The following PTPRD variants were observed in gnomAD, a reference collection of about 807,000 sequenced individuals.
PTPRD encodes receptor-type tyrosine-protein phosphatase delta.
In PTPRD, 34 loss-of-function variants were observed where a neutral mutation model predicts 214.5. The ratio of observed to expected loss-of-function variants is 0.16; its 90% CI spans 0.12 to 0.21. The LOEUF is 0.21. Among genes scored for constraint, PTPRD ranks in the 10% least tolerant of loss-of-function variants. PTPRD has a pLI of 1.00. For synonymous variants in PTPRD, 1,128 were observed against 845.7 expected (o/e 1.33, Z -5.79); for missense variants, 2,545 against 2,398.7 (o/e 1.06, Z -1.27).
At chr9:10,036,654 G>A (rs1420803854) in intron 3 of PTPRD, among the ~76,000 whole-genome samples, 5 of 151,640 alleles carry the variant, frequency 3.3e-5, no homozygotes, top group South Asian at 2.1e-4. Flanking sequence ...GTGCAATCTC[G>A]GCTCACTACA....
chr9:9,538,356 T>C (rs1315738126), intron 8 of PTPRD, among the ~76,000 whole-genome samples: 1 of 152,016 alleles, frequency 6.6e-6, no homozygotes, highest in Non-Finnish European at 1.5e-5. Flanking sequence ...TGGCAATTTG[T>C]CTCCGAGACA....
chr9:10,395,351 G>A (rs966080551), intron 2 of PTPRD, among the ~76,000 whole-genome samples: 5 of 151,198 alleles, frequency 3.3e-5, no homozygotes, highest in African/African-American at 1.2e-4. Context: ...AACATGCGGT[G>A]TTTGGTTTTT....
intron 35 of PTPRD, among the ~76,000 whole-genome samples, chr9:8,414,967 GAGAGAGAC>G (rs1380810479): frequency 1.9e-4 from 28 of 148,998 alleles, no homozygotes; most frequent in South Asian, 1.3e-3. Flanking sequence ...GAGAGAGAGA[GAGAGAGAC>G]AGACAGACAG....
intron 5 of PTPRD, among the ~76,000 whole-genome samples, chr9:9,893,933 C>G (rs770796146): frequency 1.3e-5 from 2 of 151,994 alleles, no homozygotes; most frequent in East Asian, 1.9e-4. Flanking sequence ...CTGTCTCAAC[C>G]TTTTGAGTAG....
At chr9:8,923,217 T>A (rs964009613) in intron 11 of PTPRD, among the ~76,000 whole-genome samples, 3 of 151,740 alleles carry the variant, frequency 2.0e-5, no homozygotes, top group African/African-American at 7.3e-5. Context: ...AATTTTTGTA[T>A]TTTTAGTAGA....
rs149041989 is a variant in PTPRD, at chr9:9,109,369, T to C, written c.-143+73935A>G. On this transcript the variant is annotated intron_variant, in intron 10 of 45. Transcript: ENST00000381196. ...TCATGAAGAGAGGCTATGGTGTCAG[T>C]AAGCTCTGAGATGAAATTTCTCTCA... Among the ~76,000 whole-genome samples the C allele has an allele frequency of 2.5e-3, 381 of 152,262 alleles. 1 individual carries two copies. Among genetic ancestry groups the C allele is most frequent in the African/African-American group, 8.8e-3 (366 of 41,558 alleles).
intron 9 of PTPRD, among the ~76,000 whole-genome samples, chr9:9,378,604 G>C (rs1474323965): frequency 1.3e-5 from 2 of 152,124 alleles, no homozygotes; most frequent in South Asian, 2.1e-4. Context: ...TTCTTCCTAA[G>C]TAGCTCTACC....
At position 8,316,690 on chromosome 9, in the gene PTPRD, A is replaced by AAAAC. The variant is rs1172206966; in HGVS notation, c.*1180_*1183dup. The AAAAC allele has an allele frequency of 1.3e-5, 3 of 231,072 alleles. No homozygotes were observed. The highest frequency in any genetic ancestry group is 2.2e-5 in the African/African-American group (1 of 45,282). The allele number at this position is 231,072 out of a possible 1,614,324, so 14.3% of individuals were successfully genotyped here. On this transcript the variant is annotated 3_prime_UTR_variant, in exon 46 of 46. Coordinates refer to ENST00000381196, the MANE Select transcript of PTPRD (RefSeq NM_002839.4). The stretch of plus-strand genomic sequence containing the variant: ...TTGGAAGCCTGACTAACAAACAAAC[A>AAAAC]AAACAATTTGTGGATGTGATTGATT...
chr9:8,369,608 T>C (rs2080921392), intron 39 of PTPRD, among the ~76,000 whole-genome samples: 1 of 151,862 alleles, frequency 6.6e-6, no homozygotes, highest in South Asian at 2.1e-4. Flanking sequence ...AGGAAGCTTA[T>C]TTTATTTTCC....
At chr9:8,505,624 CAAAAAAAAAAAAA>C (rs954059567) in intron 22 of PTPRD, among the ~76,000 whole-genome samples, 5 of 55,742 alleles carry the variant, frequency 9.0e-5, no homozygotes, top group Non-Finnish European at 1.3e-4. Flanking sequence ...GACTCTGTCT[CAAAAAAAAAAAAA>C]AAAAAAAAGA....
At chr9:9,123,080 G>A (rs1459064044) in intron 10 of PTPRD, among the ~76,000 whole-genome samples, 3 of 152,186 alleles carry the variant, frequency 2.0e-5, no homozygotes, top group South Asian at 2.1e-4. Flanking sequence ...AATGAGAACC[G>A]AAGCAGGACT....
chr9:8,327,846 G>A (rs1270989612), intron 44 of PTPRD, among the ~76,000 whole-genome samples: 2 of 152,078 alleles, frequency 1.3e-5, no homozygotes, highest in African/African-American at 2.4e-5. Flanking sequence ...CCCCTGCTTT[G>A]TTTTGCTTTC....
intron 8 of PTPRD, among the ~76,000 whole-genome samples, chr9:9,511,031 C>T (rs570788381): frequency 6.6e-6 from 1 of 151,866 alleles, no homozygotes; most frequent in South Asian, 2.1e-4. Context: ...AAAATATCCA[C>T]TCCAAACAAA....
chr9:10,474,916 A>G (rs1432277154), intron 2 of PTPRD, among the ~76,000 whole-genome samples: 4 of 152,162 alleles, frequency 2.6e-5, no homozygotes, highest in Non-Finnish European at 5.9e-5. Flanking sequence ...GACAGAAATA[A>G]TGAAATTCTT....
intron 35 of PTPRD, among the ~76,000 whole-genome samples, chr9:8,425,810 A>G (rs1590087294): frequency 6.6e-6 from 1 of 152,188 alleles, no homozygotes; most frequent in Non-Finnish European, 1.5e-5. Context: ...TGAGATCAGG[A>G]GAGTTAAATA....
chr9:10,147,999 C>A (rs1357403360), intron 3 of PTPRD, among the ~76,000 whole-genome samples: 1 of 152,186 alleles, frequency 6.6e-6, no homozygotes, highest in African/African-American at 2.4e-5. Context: ...CTTTGATCCA[C>A]GTTTTGTTTC....
At chr9:9,063,425 A>G (rs1470054053) in intron 10 of PTPRD, among the ~76,000 whole-genome samples, 3 of 152,324 alleles carry the variant, frequency 2.0e-5, no homozygotes, top group Non-Finnish European at 2.9e-5. Context: ...TAGCCCTCAC[A>G]GGTGACTTAG....
At chr9:10,520,998 C>A (rs2052052573) in intron 2 of PTPRD, among the ~76,000 whole-genome samples, 1 of 151,504 alleles carries the variant, frequency 6.6e-6, no homozygotes. Flanking sequence ...GCCTATGGAT[C>A]AAGGAGTAAA....
intron 11 of PTPRD, chr9:8,962,793 G>A (rs932227548): frequency 1.3e-5 from 2 of 152,198 alleles, no homozygotes; most frequent in East Asian, 1.9e-4. Flanking sequence ...CATGTATTAC[G>A]TTTTAGGACT....
Sources: gnomAD v4.1 joint callset for allele counts (sites outside exome capture counted in the v4.1 genomes callset) on GRCh38, gnomAD v4.1.1 for gene constraint, MANE v1.5 for transcripts, NCBI Gene and HGNC (gene_info 2026-07-23, HGNC 2026-07-21) for gene names.